GASK1A: variants seen among roughly 807,000 people sequenced by gnomAD.
The protein encoded by GASK1A is Golgi-associated kinase 1A.
GASK1A carries 40 observed loss-of-function variants against 41.2 expected under a neutral mutation model. The observed-to-expected ratio is 0.97, with a 90% CI of 0.75 to 1.27. The LOEUF (loss-of-function observed/expected upper bound fraction) is 1.27. Among genes scored for constraint, GASK1A ranks in the 50% most tolerant of loss-of-function variants. The pLI is 0.00. For synonymous variants in GASK1A, 316 were observed against 307.1 expected, an observed-to-expected ratio of 1.03 and a Z score of -0.30; for missense variants, 678 against 745.1, an observed-to-expected ratio of 0.91 and a Z score of 1.05.
chr3:43,055,580 T>A, intron 4 of GASK1A, 45 bp downstream of exon 4: 1 of 1,373,158 alleles, frequency 7.3e-7, no homozygotes, highest in Non-Finnish European at 1.0e-6. Flanking sequence ...GACTGAGACC[T>A]GATGGCCTTG....
chr3:43,043,769 C>T (rs1559407117), intron 2 of GASK1A, among the ~76,000 whole-genome samples: 1 of 152,162 alleles, frequency 6.6e-6, no homozygotes, highest in Admixed American at 6.5e-5. Flanking sequence ...AACCCAAACT[C>T]TAAAGGATTA....
At chr3:43,045,887 C>T (rs900744272) in intron 2 of GASK1A, among the ~76,000 whole-genome samples, 2 of 152,206 alleles carry the variant, frequency 1.3e-5, no homozygotes, top group African/African-American at 4.8e-5. Context: ...CTCCTTCCTG[C>T]CACCTTGTGA....
intron 2 of GASK1A, among the ~76,000 whole-genome samples, chr3:43,053,223 C>G (rs909488605): frequency 6.6e-6 from 1 of 152,202 alleles, no homozygotes; most frequent in African/African-American, 2.4e-5. Flanking sequence ...GCATTCAGAG[C>G]CTCAGAGGTG....
At chr3:42,999,716 C>T (rs2089398472) in intron 1 of GASK1A, among the ~76,000 whole-genome samples, 1 of 152,232 alleles carries the variant, frequency 6.6e-6, no homozygotes, top group South Asian at 2.1e-4. Context: ...CAAAACAACA[C>T]AAATTTGTTC....
intron 1 of GASK1A, among the ~76,000 whole-genome samples, chr3:42,995,918 A>G (rs1376921120): frequency 6.6e-6 from 1 of 152,148 alleles, no homozygotes; most frequent in East Asian, 1.9e-4. Flanking sequence ...CTGTTAATAC[A>G]AAGGCAGCCA....
At chr3:43,001,329 C>A (rs1013394021) in intron 1 of GASK1A, among the ~76,000 whole-genome samples, 47 of 152,178 alleles carry the variant, frequency 3.1e-4, no homozygotes, top group Admixed American at 3.0e-3. Context: ...TCCGGGAAAG[C>A]GATCATTCCT....
In GASK1A at chr3:43,056,351, C is replaced by T; in HGVS notation, c.1693C>T (p.His565Tyr). The T allele has an allele frequency of 6.5e-7, 1 of 1,550,150 alleles. No homozygotes were observed. The highest frequency in any genetic ancestry group is 8.7e-7 in the Non-Finnish European group (1 of 1,146,794). The change falls in exon 5 of 5, where the codon CAC becomes TAC. Residue 565 changes from histidine to tyrosine, a missense_variant. Coordinates refer to ENST00000430121, the MANE Select transcript of GASK1A (RefSeq NM_001129908.3). ...GQVLLGHIQK[H>Y]NLTLFRDEDP Reference sequence around the variant, plus strand: ...GGTGCTGCTGGGACACATCCAAAAGCACAACCTCACACTCTTCAGGGACGA... The same window carrying T: ...GGTGCTGCTGGGACACATCCAAAAGTACAACCTCACACTCTTCAGGGACGA...
At position 43,056,248 on chromosome 3, in the gene GASK1A, G is replaced by A; in HGVS notation, c.1590G>A (p.Met530Ile). 6.4e-7 allele frequency: 1 copy of A among 1,551,722 alleles called. No individual in the cohort carries two copies. Among genetic ancestry groups the A allele is most frequent in the Non-Finnish European group, 8.7e-7 (1 of 1,146,970 alleles). ...LQNMLLKSLQ[M>I]DPVFWESQGG... Reference sequence around the variant, plus strand: ...ACATGCTGCTGAAGTCGCTGCAGATGGACCCAGTGTTCTGGGAAAGCCAAG... The same window carrying A: ...ACATGCTGCTGAAGTCGCTGCAGATAGACCCAGTGTTCTGGGAAAGCCAAG... Residue 530 changes from methionine to isoleucine, a missense_variant, in exon 5 of 5, where the codon ATG becomes ATA. Transcript: ENST00000430121.
chr3:43,023,264 C>G (rs1316922743), intron 1 of GASK1A, among the ~76,000 whole-genome samples: 1 of 152,134 alleles, frequency 6.6e-6, no homozygotes, highest in Non-Finnish European at 1.5e-5. Context: ...CCGACAGCCA[C>G]CAAAAGCTGG....
chr3:43,027,952 A>G (rs560399511), intron 1 of GASK1A, among the ~76,000 whole-genome samples: 1 of 152,366 alleles, frequency 6.6e-6, no homozygotes, highest in East Asian at 1.9e-4. Context: ...ATCAATCAAT[A>G]CATTTAAGAG....
chr3:43,025,728 A>G (rs2089544093), intron 1 of GASK1A, among the ~76,000 whole-genome samples: 2 of 152,164 alleles, frequency 1.3e-5, no homozygotes, highest in South Asian at 4.1e-4. Context: ...CGGAAGTTGG[A>G]AAAAGGTCGT....
intron 2 of GASK1A, among the ~76,000 whole-genome samples, chr3:43,038,457 A>G (rs1476008784): frequency 4.6e-5 from 7 of 152,218 alleles, no homozygotes; most frequent in Non-Finnish European, 8.8e-5. Context: ...TTTATTCTAA[A>G]GCCCCCCAAA....
At chr3:43,035,032 G>A (rs2089597969) in intron 2 of GASK1A, among the ~76,000 whole-genome samples, 1 of 152,210 alleles carries the variant, frequency 6.6e-6, no homozygotes, top group Non-Finnish European at 1.5e-5. Context: ...GCTGCTTTGT[G>A]GAAGGAGGAG....
intron 1 of GASK1A, among the ~76,000 whole-genome samples, chr3:42,982,030 A>G (rs2089285078): frequency 6.6e-6 from 1 of 152,254 alleles, no homozygotes; most frequent in Non-Finnish European, 1.5e-5. Flanking sequence ...AAATAAAAGT[A>G]TAGAATCCTT....
At chr3:43,045,384 T>A (rs1471471263) in intron 2 of GASK1A, among the ~76,000 whole-genome samples, 1 of 152,168 alleles carries the variant, frequency 6.6e-6, no homozygotes, top group Non-Finnish European at 1.5e-5. Context: ...CAAGACTCTT[T>A]TATATTATGA....
At chr3:43,017,874 G>A (rs868813320) in intron 1 of GASK1A, among the ~76,000 whole-genome samples, 23 of 151,970 alleles carry the variant, frequency 1.5e-4, no homozygotes, top group Middle Eastern at 3.5e-3. Context: ...GGGCCAGTGC[G>A]AAGCCACAGG....
At position 42,990,717 on chromosome 3, in the gene GASK1A, G is replaced by A. The variant is rs114755236; in HGVS notation, c.3+11072G>A. On this transcript the variant is annotated intron_variant, in intron 1 of 4. Transcript: ENST00000430121. ...GTTTGATGTTCTGAGAGTCCCACGT[G>A]TGATGTTCTGAGTCCTGGCAGTGTT... 6.0e-3 allele frequency among the ~76,000 whole-genome samples: 916 copies of A among 152,286 alleles called. 11 individuals are homozygous for A. The highest frequency in any genetic ancestry group is 0.021 in the African/African-American group (875 of 41,546).
chr3:42,980,562 G>A (rs1472115117), intron 1 of GASK1A, among the ~76,000 whole-genome samples: 1 of 152,130 alleles, frequency 6.6e-6, no homozygotes, highest in Non-Finnish European at 1.5e-5. Flanking sequence ...GGGGAGTTTT[G>A]CTGGGCCTGG....
At chr3:43,030,976 G>A (rs1002031848) in intron 1 of GASK1A, among the ~76,000 whole-genome samples, 4 of 152,210 alleles carry the variant, frequency 2.6e-5, no homozygotes, top group African/African-American at 9.6e-5. Flanking sequence ...GGGGAAAAAA[G>A]TGGGATCTGG....
Sources: allele counts gnomAD v4.1 joint callset (sites outside exome capture counted in the v4.1 genomes callset), GRCh38; gene constraint gnomAD v4.1.1; transcripts MANE v1.5; gene names NCBI Gene and HGNC (gene_info 2026-07-23, HGNC 2026-07-21).